Variants in MOSMO observed in about 807,000 individuals in gnomAD.
The protein encoded by MOSMO is modulator of smoothened.
In MOSMO, 5 loss-of-function variants were observed where a neutral mutation model predicts 18.4. That is an observed-to-expected ratio of 0.27 (90% CI 0.14 to 0.57). The LOEUF (loss-of-function observed/expected upper bound fraction) is 0.57, where lower values mean the gene tolerates loss of function less well. Ranked by LOEUF, MOSMO falls within the 20% of genes least tolerant of loss-of-function variation. The pLI is 0.92. For missense variants in MOSMO, 138 were observed against 211.8 expected (o/e 0.65, Z 2.16); for synonymous variants, 82 against 82.3 (o/e 1.00, Z 0.02).
intron 1 of MOSMO, among the ~76,000 whole-genome samples, chr16:22,034,744 G>GT (rs890874059): frequency 0.033 from 1,817 of 55,496 alleles, 171 homozygotes; most frequent in Non-Finnish European, 0.046. Flanking sequence ...GTTTTTTTGG[G>GT]TTTTTTTTTT....
downstream of MOSMO, among the ~76,000 whole-genome samples, chr16:22,086,821 G>T (rs1255447019): frequency 1.3e-5 from 2 of 152,126 alleles, no homozygotes; most frequent in African/African-American, 4.8e-5. Context: ...CTAGAAACCT[G>T]GCACAGTGCT....
intron 1 of MOSMO, among the ~76,000 whole-genome samples, chr16:22,063,630 G>A (rs1900694174): frequency 6.6e-6 from 1 of 152,214 alleles, no homozygotes; most frequent in Non-Finnish European, 1.5e-5. Flanking sequence ...AATAAACCGA[G>A]AGCAGGGTGT....
intron 1 of MOSMO, among the ~76,000 whole-genome samples, chr16:22,045,395 G>A (rs537356500): frequency 1.3e-5 from 2 of 152,284 alleles, no homozygotes; most frequent in African/African-American, 4.8e-5. Flanking sequence ...GAGCACCATA[G>A]TCTTTATAAA....
intron 1 of MOSMO, among the ~76,000 whole-genome samples, chr16:22,021,652 AC>A (rs1899765183): frequency 6.6e-6 from 1 of 151,778 alleles, no homozygotes; most frequent in South Asian, 2.1e-4. Flanking sequence ...ACAAAAATTA[AC>A]CCGGCGTGAT....
At chr16:22,034,490 T>G (rs1437098900) in intron 1 of MOSMO, among the ~76,000 whole-genome samples, 1 of 152,148 alleles carries the variant, frequency 6.6e-6, no homozygotes, top group Admixed American at 6.5e-5. Flanking sequence ...GAAGTCTAGG[T>G]TCATGTTATT....
chr16:22,023,688 AG>A (rs1176055029), intron 1 of MOSMO, among the ~76,000 whole-genome samples: 1 of 151,978 alleles, frequency 6.6e-6, no homozygotes, highest in Non-Finnish European at 1.5e-5. Flanking sequence ...CAGATGAAAA[AG>A]TTCAAGGTAC....
chr16:22,070,521 G>A (rs912574398), intron 1 of MOSMO, among the ~76,000 whole-genome samples: 3 of 152,164 alleles, frequency 2.0e-5, no homozygotes, highest in East Asian at 1.9e-4. Flanking sequence ...GTAAACTCCC[G>A]GGAGGGTAAG....
intron 1 of MOSMO, among the ~76,000 whole-genome samples, chr16:22,015,359 T>G (rs1040676331): frequency 1.3e-5 from 2 of 152,112 alleles, no homozygotes; most frequent in Admixed American, 1.3e-4. Context: ...GGACTATAGA[T>G]GCACGCTGCC....
At chr16:22,091,100 C>T (rs1397547296), downstream of MOSMO, among the ~76,000 whole-genome samples, 1 of 152,014 alleles carries the variant, frequency 6.6e-6, no homozygotes, top group Non-Finnish European at 1.5e-5. Flanking sequence ...TCAAGATGGG[C>T]ACAAGGACCC....
chr16:22,033,005 G>A (rs774989442), intron 1 of MOSMO, among the ~76,000 whole-genome samples: 1 of 152,124 alleles, frequency 6.6e-6, no homozygotes, highest in African/African-American at 2.4e-5. Flanking sequence ...AAATGTGAGA[G>A]TTTATTTCTG....
chr16:22,048,939 T>G (rs950637809), intron 1 of MOSMO, among the ~76,000 whole-genome samples: 2 of 152,158 alleles, frequency 1.3e-5, no homozygotes, highest in African/African-American at 4.8e-5. Flanking sequence ...CCCCGTGTTC[T>G]TCATTAACTA....
At chr16:22,037,568 C>G (rs1331126670) in intron 1 of MOSMO, among the ~76,000 whole-genome samples, 1 of 152,138 alleles carries the variant, frequency 6.6e-6, no homozygotes, top group East Asian at 1.9e-4. Context: ...ACAAGCTGCC[C>G]CCAATCCTAA....
At chr16:22,034,210 ATT>A (rs1247557183) in intron 1 of MOSMO, among the ~76,000 whole-genome samples, 2 of 152,188 alleles carry the variant, frequency 1.3e-5, no homozygotes, top group Non-Finnish European at 2.9e-5. Context: ...TCACTGACAC[ATT>A]GTTGCTATTA....
At chr16:22,084,960 C>T (rs577463196), downstream of MOSMO, among the ~76,000 whole-genome samples, 1 of 152,164 alleles carries the variant, frequency 6.6e-6, no homozygotes, top group Non-Finnish European at 1.5e-5. Context: ...AGAGAGAAAC[C>T]AAGCCAAAGC....
chr16:22,060,649 A>C (rs548994313), intron 1 of MOSMO, among the ~76,000 whole-genome samples: 1 of 152,274 alleles, frequency 6.6e-6, no homozygotes, highest in Non-Finnish European at 1.5e-5. Flanking sequence ...GAAGCAGTCC[A>C]GTCAGTTGAA....
chr16:22,009,712 G>A (rs922014408), intron 1 of MOSMO, among the ~76,000 whole-genome samples: 1 of 141,896 alleles, frequency 7.0e-6, no homozygotes, highest in Admixed American at 7.6e-5. Context: ...TGTAATCCCA[G>A]CACTTTGGGA....
intron 1 of MOSMO, among the ~76,000 whole-genome samples, chr16:22,008,688 G>C (rs1429648946): frequency 6.6e-6 from 1 of 151,502 alleles, no homozygotes; most frequent in African/African-American, 2.4e-5. Flanking sequence ...GGACCGGGGA[G>C]GAGGGGAGCA....
At chr16:22,056,635 C>T (rs371329588) in intron 1 of MOSMO, among the ~76,000 whole-genome samples, 4 of 151,790 alleles carry the variant, frequency 2.6e-5, no homozygotes, top group East Asian at 1.9e-4. Context: ...CCGCCTGCCT[C>T]GGCCTCCCAA....
chr16:22,066,996 A>G (rs1337171728), intron 1 of MOSMO, among the ~76,000 whole-genome samples: 1 of 152,258 alleles, frequency 6.6e-6, no homozygotes, highest in Non-Finnish European at 1.5e-5. Flanking sequence ...AAAATAACAA[A>G]GAATTAAAGG....
Sources: gnomAD v4.1 joint callset for allele counts (sites outside exome capture counted in the v4.1 genomes callset) on GRCh38, gnomAD v4.1.1 for gene constraint, MANE v1.5 for transcripts, NCBI Gene and HGNC (gene_info 2026-07-23, HGNC 2026-07-21) for gene names.